CGREF1: variants seen among roughly 807,000 people sequenced by gnomAD.
The protein encoded by CGREF1 is cell growth regulator with EF hand domain protein 1.
In CGREF1, 16 loss-of-function variants were observed where a neutral mutation model predicts 17.4. The observed-to-expected ratio is 0.92, with a 90% confidence interval of 0.62 to 1.40. The LOEUF (loss-of-function observed/expected upper bound fraction) is 1.40, where lower values mean the gene tolerates loss of function less well. CGREF1 is among the 40% of genes most tolerant of loss of function. CGREF1 has a pLI of 0.00. For synonymous variants in CGREF1, 142 were observed against 154.6 expected, an observed-to-expected ratio of 0.92 and a Z score of 0.61; for missense variants, 296 against 376.4, an observed-to-expected ratio of 0.79 and a Z score of 1.77.
At chr2:27,108,152 G>A (rs1159188756) in intron 1 of CGREF1, among the ~76,000 whole-genome samples, 1 of 152,082 alleles carries the variant, frequency 6.6e-6, no homozygotes, top group Non-Finnish European at 1.5e-5. Context: ...CTACTCGGGA[G>A]GCTGAGGCAG....
At chr2:27,117,983 G>A (rs1156432276) in intron 1 of CGREF1, among the ~76,000 whole-genome samples, 1 of 152,188 alleles carries the variant, frequency 6.6e-6, no homozygotes, top group East Asian at 1.9e-4. Flanking sequence ...CTCCCAAAGT[G>A]CTGGGATTAC....
downstream of CGREF1, chr2:27,099,420 G>A: frequency 6.2e-7 from 1 of 1,613,804 alleles, no homozygotes. Flanking sequence ...CGTCTTGCAG[G>A]GCTGTGCTTG....
Position 27,108,639 on chromosome 2 carries a change from A to G in CGREF1, c.-11-4262T>C, listed in dbSNP as rs1368317273. ...AAAAAAATTGTAAAAGCAGTCAGAA[A>G]GAAAAGACAAATCATCTCATAGGAA... On this transcript the variant is annotated intron_variant, in intron 1 of 5. Transcript: ENST00000402394. Among the ~76,000 whole-genome samples the G allele has an allele frequency of 2.6e-5, 4 of 152,250 alleles. No homozygotes were observed. In the East Asian group the frequency reaches 7.7e-4, roughly 29 times the overall value.
chr2:27,112,628 C>T (rs950047513), intron 1 of CGREF1, among the ~76,000 whole-genome samples: 1 of 152,114 alleles, frequency 6.6e-6, no homozygotes, highest in African/African-American at 2.4e-5. Context: ...AAAGAAATTA[C>T]AAAGATATGT....
rs1279907728 is a variant in CGREF1 at position 27,101,898 on chromosome 2, C to T, written c.343-10G>A. 6.2e-7 allele frequency: 1 copy of T among 1,607,672 alleles called. No homozygotes were observed. Among genetic ancestry groups the T allele is most frequent in the Admixed American group, 1.7e-5 (1 of 59,910 alleles). On this transcript the variant is annotated splice_polypyrimidine_tract_variant and intron_variant, in intron 5 of 5. Transcript: ENST00000402394. ...CCACTATCAAGATCACCTGTGGAAGCAGAGTCACTGTGGGGTCTCCAGGGA... is the reference window on the plus strand; with the variant it reads ...CCACTATCAAGATCACCTGTGGAAGTAGAGTCACTGTGGGGTCTCCAGGGA...
intron 1 of CGREF1, among the ~76,000 whole-genome samples, chr2:27,111,896 A>T (rs201159663): frequency 6.6e-5 from 10 of 152,168 alleles, no homozygotes; most frequent in Admixed American, 6.5e-4. Context: ...GGCCTTGGCC[A>T]GTACAGAAAG....
intron 2 of CGREF1, 40 bp downstream of exon 2, chr2:27,104,247 C>G: frequency 6.6e-7 from 1 of 1,518,670 alleles, no homozygotes; most frequent in Non-Finnish European, 8.8e-7. Flanking sequence ...GAGACTTTCC[C>G]TCCTCCCAGC....
At chr2:27,103,229 A>G (rs1670978298) in intron 2 of CGREF1, 1 of 369,550 alleles carries the variant, frequency 2.7e-6, no homozygotes, top group Admixed American at 6.4e-5. Context: ...CACAGCTACC[A>G]GCCCCTGTGG....
In CGREF1 at chr2:27,104,675, G is replaced by T. The variant is rs116392369; in HGVS notation, c.-11-298C>A. 892 of 1,550,554 alleles carry T rather than the reference G, an allele frequency of 5.8e-4. 12 individuals carry two copies. The African/African-American group carries it at 0.011, about 20-fold the overall frequency. ...CCCATTCCCTTGCTCCCCACTAGGT[G>T]CCAAGGTGCCCAGAGAAGTACAGCG... is the stretch of plus-strand genomic sequence containing the variant. On this transcript the variant is annotated intron_variant, in intron 1 of 5. Coordinates refer to ENST00000402394, the MANE Select transcript of CGREF1 (RefSeq NM_006569.6).
chr2:27,104,875 T>A (rs1187780120), intron 1 of CGREF1: 3 of 1,301,034 alleles, frequency 2.3e-6, no homozygotes, highest in South Asian at 1.7e-5. Context: ...GAAGAACAAA[T>A]CAAAAGAGGC....
downstream of CGREF1, chr2:27,100,516 C>CTAA (rs1670755932): frequency 4.6e-6 from 6 of 1,290,824 alleles, no homozygotes; most frequent in Non-Finnish European, 6.1e-6. Context: ...GGAATTGGGG[C>CTAA]CAACTCCAAT....
intron 2 of CGREF1, among the ~76,000 whole-genome samples, chr2:27,103,855 C>T (rs1405880021): frequency 6.6e-5 from 10 of 152,072 alleles, no homozygotes; most frequent in Admixed American, 3.9e-4. Context: ...TGGTGGCGGG[C>T]GCCTGTAGTC....
At position 27,101,793 on chromosome 2, in the gene CGREF1, G is replaced by C. The variant is rs1480036872; in HGVS notation, c.438C>G (p.Ala146=). ...GCTCTCCGGGCTCCACGTGCCTGAG[G>C]GCTACTCCCGGGAAGTTGATGAGCT... The part of the protein sequence containing the change: ...PAELINFPGV[A]LRHVEPGEPL... Residue 146 remains alanine (A), a synonymous_variant, in exon 6 of 6, where the codon GCC becomes GCG. Coordinates refer to ENST00000402394, the MANE Select transcript of CGREF1 (RefSeq NM_006569.6). The C allele has an allele frequency of 3.1e-6, 5 of 1,614,194 alleles. No individual in the cohort carries two copies. In the South Asian group the frequency reaches 5.5e-5, roughly 18 times the overall value.
chr2:27,114,904 T>TGTG (rs1558465729), intron 1 of CGREF1, among the ~76,000 whole-genome samples: 1 of 151,164 alleles, frequency 6.6e-6, no homozygotes, highest in African/African-American at 2.4e-5. Flanking sequence ...CGTTATCTTT[T>TGTG]TGTGTGTGTG....
At chr2:27,104,000 C>T (rs1671015511) in intron 2 of CGREF1, among the ~76,000 whole-genome samples, 1 of 152,060 alleles carries the variant, frequency 6.6e-6, no homozygotes, top group Non-Finnish European at 1.5e-5. Context: ...AACAAACAAA[C>T]AAACAATTGC....
At chr2:27,118,473 G>C (rs566976418) in intron 1 of CGREF1, among the ~76,000 whole-genome samples, 1 of 152,176 alleles carries the variant, frequency 6.6e-6, no homozygotes, top group East Asian at 1.9e-4. Context: ...GCAAGCGGAC[G>C]ACAGCCTCGG....
At chr2:27,107,007 T>G (rs1307038320) in intron 1 of CGREF1, among the ~76,000 whole-genome samples, 1 of 152,220 alleles carries the variant, frequency 6.6e-6, no homozygotes, top group Non-Finnish European at 1.5e-5. Context: ...TGCAACCTGG[T>G]TGATGGCACC....
Position 27,100,768 on chromosome 2 carries a change from C to CCTG in CGREF1, c.*505_*506insCAG. 8.8e-7 allele frequency: 1 copy of CCTG among 1,136,234 alleles called. No individual in the cohort carries two copies. The highest frequency in any genetic ancestry group is 1.1e-6 in the Non-Finnish European group (1 of 914,488). The allele number at this position is 1,136,234 out of a possible 1,614,324, so 70.4% of individuals were successfully genotyped here. A position where few individuals can be genotyped will look rare whatever the true frequency, so the allele number is the denominator to read the frequency against. Reference sequence around the variant, plus strand: ...AGCATGATGCCTGATGTGTACAAGGCTCTCAAAAAGTTCTAGTGATGATTA... The same window carrying CCTG: ...AGCATGATGCCTGATGTGTACAAGGCCTGTCTCAAAAAGTTCTAGTGATGATTA... On this transcript the variant is annotated 3_prime_UTR_variant, in exon 6 of 6. Transcript: ENST00000402394.
At chr2:27,116,456 G>C (rs1671566445) in intron 1 of CGREF1, among the ~76,000 whole-genome samples, 1 of 151,844 alleles carries the variant, frequency 6.6e-6, no homozygotes, top group South Asian at 2.1e-4. Context: ...GAACCCAGGA[G>C]GCAGAGGTTG....
Sources: allele counts gnomAD v4.1 joint callset (sites outside exome capture counted in the v4.1 genomes callset), GRCh38; gene constraint gnomAD v4.1.1; transcripts MANE v1.5; gene names NCBI Gene and HGNC (gene_info 2026-07-23, HGNC 2026-07-21).